The following SH3GL2 variants were observed in gnomAD, a reference collection of about 807,000 sequenced individuals.
SH3GL2 encodes endophilin-A1.
A neutral mutation model predicts 46.0 loss-of-function variants in SH3GL2; 24 were observed. The observed-to-expected ratio is 0.52, with a 90% CI of 0.38 to 0.73. SH3GL2 has a LOEUF of 0.73. SH3GL2 is among the 30% of genes least tolerant of loss of function. The probability of loss-of-function intolerance (pLI) is 0.00; values close to 1 mark genes in which losing one functional copy is unlikely to be tolerated. For synonymous variants in SH3GL2, 196 were observed against 147.1 expected (o/e 1.33, Z -2.40); for missense variants, 413 against 424.2 (o/e 0.97, Z 0.23).
intron 3 of SH3GL2, among the ~76,000 whole-genome samples, chr9:17,776,771 G>C (rs368194605): frequency 1.3e-5 from 2 of 151,984 alleles, no homozygotes; most frequent in East Asian, 3.9e-4. Context: ...GGAACCAGCA[G>C]TGTGCTGCTA....
chr9:17,748,813 A>G (rs1114790), intron 2 of SH3GL2, among the ~76,000 whole-genome samples: 25,627 of 152,126 alleles, frequency 0.17, 2,676 homozygotes, highest in Middle Eastern at 0.28. Context: ...AAACTCACCC[A>G]TACTGCATTG....
At chr9:17,601,578 A>T (rs942956399) in intron 1 of SH3GL2, among the ~76,000 whole-genome samples, 1 of 152,206 alleles carries the variant, frequency 6.6e-6, no homozygotes. Flanking sequence ...TAAAAATCAA[A>T]TCATCTTCCC....
intron 1 of SH3GL2, among the ~76,000 whole-genome samples, chr9:17,738,666 A>AGAGG: frequency 6.7e-6 from 1 of 148,954 alleles, no homozygotes; most frequent in East Asian, 2.0e-4. Flanking sequence ...AGAGAGAGAG[A>AGAGG]GAGAGAGATA....
chr9:17,620,770 T>C (rs1819120686), intron 1 of SH3GL2, among the ~76,000 whole-genome samples: 2 of 152,234 alleles, frequency 1.3e-5, no homozygotes, highest in South Asian at 4.2e-4. Context: ...TATCTTGGTA[T>C]GAGTGACCTG....
rs189804130 is a variant in SH3GL2 at position 17,737,111 on chromosome 9, A to C, written c.46-9955A>C. ...GCAAACTAACACAGGAACAGAAAACAAAACACCACATGTTCTCACTCATAA... is the reference window on the plus strand; with the variant it reads ...GCAAACTAACACAGGAACAGAAAACCAAACACCACATGTTCTCACTCATAA... On this transcript the variant is annotated intron_variant, in intron 1 of 8. Coordinates refer to ENST00000380607, the MANE Select transcript of SH3GL2 (RefSeq NM_003026.5). Among the ~76,000 whole-genome samples the C allele has an allele frequency of 6.3e-3, 957 of 152,212 alleles. 11 individuals are homozygous for C. The highest frequency in any genetic ancestry group is 0.022 in the African/African-American group (904 of 41,552).
At position 17,586,098 on chromosome 9, in the gene SH3GL2, A is replaced by G. The variant is rs549405631; in HGVS notation, c.45+6811A>G. Among the ~76,000 whole-genome samples, 3 of 152,322 alleles carry G rather than the reference A, an allele frequency of 2.0e-5. No homozygotes were observed. In the South Asian group the frequency reaches 6.2e-4, roughly 32 times the overall value. On this transcript the variant is annotated intron_variant, in intron 1 of 8. Transcript: ENST00000380607. ...TCTACCAACAAAATATTTTCATGCT[A>G]TACTAAATCATTAGCTGATGACAAA...
At chr9:17,584,033 C>A (rs1473530232) in intron 1 of SH3GL2, among the ~76,000 whole-genome samples, 1 of 152,178 alleles carries the variant, frequency 6.6e-6, no homozygotes, top group Non-Finnish European at 1.5e-5. Flanking sequence ...GATTTCTACA[C>A]CTGTACCCTT....
rs76235092 is a variant in SH3GL2, at chr9:17,710,386, A to C, written c.46-36680A>C. ...CCTTATAACAGCATGAGAACGGACT[A>C]ATACAGGGACCATTAAGGAATTCTA... On this transcript the variant is annotated intron_variant, in intron 1 of 8. Transcript: ENST00000380607. Among the ~76,000 whole-genome samples the C allele has an allele frequency of 8.5e-3, 1,291 of 152,098 alleles. 24 individuals are homozygous for C. Among genetic ancestry groups the C allele is most frequent in the African/African-American group, 0.029 (1,209 of 41,510 alleles).
In SH3GL2 at chr9:17,659,470, C is replaced by T. The variant is rs559256578; in HGVS notation, c.45+80183C>T. ...GTGTGTGTGTGTGTGTGTTTTCTCA[C>T]GCCATTGTGTCTTGTATTCCTGGGT... On this transcript the variant is annotated intron_variant, in intron 1 of 8. Coordinates refer to ENST00000380607, the MANE Select transcript of SH3GL2 (RefSeq NM_003026.5). Among the ~76,000 whole-genome samples the T allele has an allele frequency of 1.1e-4, 16 of 152,078 alleles. No individual in the cohort carries two copies. In the South Asian group the frequency reaches 2.7e-3, roughly 26 times the overall value.
chr9:17,751,474 G>A (rs9298782), intron 2 of SH3GL2, among the ~76,000 whole-genome samples: 23,239 of 143,928 alleles, frequency 0.16, 2,277 homozygotes, highest in Middle Eastern at 0.25. Context: ...GTGTTTTTGT[G>A]TGTGCGTGTG....
At chr9:17,644,934 C>T (rs1299328680) in intron 1 of SH3GL2, among the ~76,000 whole-genome samples, 2 of 82,108 alleles carry the variant, frequency 2.4e-5, no homozygotes, top group Non-Finnish European at 6.7e-5. Context: ...GTTAAAGTCT[C>T]CCACTGTTAT....
chr9:17,763,095 A>G (rs796081172), intron 3 of SH3GL2, among the ~76,000 whole-genome samples: 1 of 152,290 alleles, frequency 6.6e-6, no homozygotes, highest in African/African-American at 2.4e-5. Flanking sequence ...TAGGTATATG[A>G]GGCATTGTCT....
chr9:17,681,581 A>G (rs1820767839), intron 1 of SH3GL2, among the ~76,000 whole-genome samples: 1 of 152,082 alleles, frequency 6.6e-6, no homozygotes, highest in Non-Finnish European at 1.5e-5. Flanking sequence ...TAAATGTAAA[A>G]CCCCAAATCA....
intron 1 of SH3GL2, among the ~76,000 whole-genome samples, chr9:17,729,855 T>C (rs1822124175): frequency 6.6e-6 from 1 of 152,190 alleles, no homozygotes; most frequent in African/African-American, 2.4e-5. Flanking sequence ...CTGTTTTGGT[T>C]ACGGTAGCCT....
chr9:17,683,520 A>G (rs1002834545), intron 1 of SH3GL2, among the ~76,000 whole-genome samples: 2 of 152,046 alleles, frequency 1.3e-5, no homozygotes, highest in African/African-American at 2.4e-5. Context: ...TCAAAGAAAT[A>G]TTATCCACTG....
At chr9:17,739,248 C>G (rs1822452605) in intron 1 of SH3GL2, among the ~76,000 whole-genome samples, 1 of 152,034 alleles carries the variant, frequency 6.6e-6, no homozygotes, top group Non-Finnish European at 1.5e-5. Flanking sequence ...GCATTAGGTT[C>G]TAGACCACTT....
At chr9:17,697,974 C>T (rs933168779) in intron 1 of SH3GL2, among the ~76,000 whole-genome samples, 4 of 152,216 alleles carry the variant, frequency 2.6e-5, no homozygotes, top group Non-Finnish European at 5.9e-5. Context: ...TATTCACTTT[C>T]TGCGTTCCGT....
intron 1 of SH3GL2, among the ~76,000 whole-genome samples, chr9:17,709,839 T>A (rs1588262468): frequency 6.6e-6 from 1 of 151,868 alleles, no homozygotes; most frequent in Non-Finnish European, 1.5e-5. Flanking sequence ...TTCCAGGCAC[T>A]GTGGAAGGGT....
intron 1 of SH3GL2, among the ~76,000 whole-genome samples, chr9:17,668,791 G>A (rs1820403755): frequency 6.6e-6 from 1 of 152,108 alleles, no homozygotes; most frequent in East Asian, 1.9e-4. Context: ...TGAGTAGCCA[G>A]GACTACAGGT....
Sources: gnomAD v4.1 joint callset for allele counts (sites outside exome capture counted in the v4.1 genomes callset) on GRCh38, gnomAD v4.1.1 for gene constraint, MANE v1.5 for transcripts, NCBI Gene and HGNC (gene_info 2026-07-23, HGNC 2026-07-21) for gene names.